The following PPP2R2A variants were observed in gnomAD, a reference collection of about 807,000 sequenced individuals.
PPP2R2A encodes the protein protein phosphatase 2 regulatory subunit Balpha, also known as serine/threonine-protein phosphatase 2A 55 kDa regulatory subunit B alpha isoform.
Under a neutral mutation model 53.2 loss-of-function variants are expected in PPP2R2A, and 9 were observed. The ratio of observed to expected loss-of-function variants is 0.17; its 90% CI spans 0.10 to 0.30. PPP2R2A has a LOEUF of 0.30. PPP2R2A is among the 10% of genes least tolerant of loss of function. PPP2R2A has a pLI of 1.00. For missense variants in PPP2R2A, 235 were observed against 534.6 expected, an observed-to-expected ratio of 0.44 and a Z score of 5.53; for synonymous variants, 169 against 174.2, an observed-to-expected ratio of 0.97 and a Z score of 0.23.
Position 26,370,770 on chromosome 8 carries a change from G to C in PPP2R2A, c.*357G>C, listed in dbSNP as rs1262308946. On this transcript the variant is annotated 3_prime_UTR_variant, in exon 10 of 10. Coordinates refer to ENST00000380737, the MANE Select transcript of PPP2R2A (RefSeq NM_002717.4). The surrounding 1 kb of genome is among the most constrained non-coding windows in gnomAD (Gnocchi z 6.1). ...CAGTGAAAGCCTTCAGTCATGCTAT[G>C]GGATTTAATTGTGTATCCTCATTAC... The C allele has an allele frequency of 7.2e-6, 2 of 276,226 alleles. No individual in the cohort carries two copies. The highest frequency in any genetic ancestry group is 1.4e-5 in the Non-Finnish European group (2 of 141,552). The allele number at this position is 276,226 out of a possible 1,614,324, so 17.1% of individuals were successfully genotyped here.
intron 2 of PPP2R2A, among the ~76,000 whole-genome samples, chr8:26,301,496 C>A (rs542422831): frequency 3.6e-4 from 54 of 152,036 alleles, no homozygotes; most frequent in African/African-American, 1.3e-3. Flanking sequence ...CCACGCCCGG[C>A]TAGTTTTTAA....
chr8:26,314,579 T>G (rs1297350233), intron 2 of PPP2R2A, among the ~76,000 whole-genome samples: 2 of 152,240 alleles, frequency 1.3e-5, no homozygotes, highest in African/African-American at 4.8e-5. Context: ...AAGAGATGTC[T>G]TTATTCTACT....
At chr8:26,345,891 G>C (rs1396098754) in intron 3 of PPP2R2A, among the ~76,000 whole-genome samples, 1 of 152,196 alleles carries the variant, frequency 6.6e-6, no homozygotes, top group Admixed American at 6.5e-5. Context: ...TATTGTGAGA[G>C]ACGGCATCAG....
chr8:26,305,862 G>T (rs1037558420), intron 2 of PPP2R2A, among the ~76,000 whole-genome samples: 1 of 152,092 alleles, frequency 6.6e-6, no homozygotes, highest in Admixed American at 6.5e-5. Context: ...GTTTCTTGGA[G>T]TTAAATTTTA....
intron 1 of PPP2R2A, among the ~76,000 whole-genome samples, chr8:26,292,795 C>T (rs569219375): frequency 1.3e-4 from 20 of 152,238 alleles, no homozygotes; most frequent in African/African-American, 4.8e-4. Context: ...CTCCCTAGAG[C>T]CCCAGGACAT....
chr8:26,293,340 TA>T, intron 1 of PPP2R2A: 1 of 1,387,946 alleles, frequency 7.2e-7, no homozygotes, highest in Non-Finnish European at 9.8e-7. Flanking sequence ...GAAAACTCTT[TA>T]ACTCTTGGTA....
intron 4 of PPP2R2A, among the ~76,000 whole-genome samples, chr8:26,359,489 T>C (rs1345981187): frequency 1.3e-5 from 2 of 152,222 alleles, no homozygotes; most frequent in Non-Finnish European, 1.5e-5. Context: ...CTAAACTTAA[T>C]TGTAAAACAA....
intron 2 of PPP2R2A, among the ~76,000 whole-genome samples, chr8:26,307,989 C>G (rs1802100118): frequency 6.6e-6 from 1 of 152,170 alleles, no homozygotes; most frequent in African/African-American, 2.4e-5. Flanking sequence ...TTCCAGATCA[C>G]TGTAATAAAG....
At chr8:26,310,665 TTCC>T (rs750390238) in intron 2 of PPP2R2A, among the ~76,000 whole-genome samples, 1 of 115,058 alleles carries the variant, frequency 8.7e-6, no homozygotes, top group Non-Finnish European at 1.9e-5. Context: ...GATTTTTTTT[TTCC>T]TTTTTTTTTT....
At chr8:26,351,067 T>C (rs1450881582) in intron 3 of PPP2R2A, among the ~76,000 whole-genome samples, 1 of 152,174 alleles carries the variant, frequency 6.6e-6, no homozygotes, top group Non-Finnish European at 1.5e-5. Context: ...TGCCTTTTCA[T>C]TTTTTTGAAT....
intron 3 of PPP2R2A, among the ~76,000 whole-genome samples, chr8:26,347,413 G>T (rs1373265796): frequency 3.6e-5 from 5 of 138,236 alleles, no homozygotes; most frequent in Admixed American, 3.5e-4. Flanking sequence ...CATGTGCATG[G>T]AGGGTTTTTT....
chr8:26,322,660 A>G (rs930748532), intron 2 of PPP2R2A, among the ~76,000 whole-genome samples: 1 of 152,118 alleles, frequency 6.6e-6, no homozygotes, highest in Non-Finnish European at 1.5e-5. Context: ...AGTCAACTTC[A>G]GCATTGTTTA....
rs1402358479 is a variant in PPP2R2A at position 26,308,486 on chromosome 8, T to C, written c.82+14746T>C. 2.6e-5 allele frequency among the ~76,000 whole-genome samples: 4 copies of C among 152,244 alleles called. No individual in the cohort carries two copies. The East Asian group carries it at 7.7e-4, about 29-fold the overall frequency. On this transcript the variant is annotated intron_variant, in intron 2 of 9. Coordinates refer to ENST00000380737, the MANE Select transcript of PPP2R2A (RefSeq NM_002717.4). ...TGTTTCATTTCAACAATGTTCACAGTGTCATCACCAGCAGTAGATTCCATC... is the reference window on the plus strand; with the variant it reads ...TGTTTCATTTCAACAATGTTCACAGCGTCATCACCAGCAGTAGATTCCATC...
rs750441380 is a variant in PPP2R2A at position 26,321,856 on chromosome 8, A to G, written c.83-17034A>G. 2.6e-5 allele frequency among the ~76,000 whole-genome samples: 4 copies of G among 152,250 alleles called. No homozygotes were observed. Among genetic ancestry groups the G allele is most frequent in the Admixed American group, 6.5e-5 (1 of 15,282 alleles). Reference sequence around the variant, plus strand: ...CTTTGGGACAATTTTTAAGGCAGCAATAGAGAACTTATATAGGAAGTAACA... The same window carrying G: ...CTTTGGGACAATTTTTAAGGCAGCAGTAGAGAACTTATATAGGAAGTAACA... On this transcript the variant is annotated intron_variant, in intron 2 of 9. Transcript: ENST00000380737. The surrounding 1 kb of genome is among the most constrained non-coding windows in gnomAD (Gnocchi z 4.1).
At chr8:26,337,405 C>T (rs1585376194) in intron 2 of PPP2R2A, among the ~76,000 whole-genome samples, 1 of 152,198 alleles carries the variant, frequency 6.6e-6, no homozygotes, top group Non-Finnish European at 1.5e-5. Context: ...ATTTTAGAGC[C>T]TAACCCTCAG....
At chr8:26,339,778 A>G (rs1803853719) in intron 3 of PPP2R2A, 1 of 152,224 alleles carries the variant, frequency 6.6e-6, no homozygotes, top group Non-Finnish European at 1.5e-5. Context: ...AGTAATGTGG[A>G]TAAATTGCAG....
intron 3 of PPP2R2A, among the ~76,000 whole-genome samples, chr8:26,344,627 C>T (rs1383799073): frequency 6.6e-6 from 1 of 152,218 alleles, no homozygotes; most frequent in East Asian, 1.9e-4. Flanking sequence ...GCCATCTCTT[C>T]TTGTTCAGCC....
At chr8:26,310,829 ATTTG>A (rs1050291517) in intron 2 of PPP2R2A, among the ~76,000 whole-genome samples, 24 of 151,972 alleles carry the variant, frequency 1.6e-4, no homozygotes, top group African/African-American at 1.7e-4. Flanking sequence ...TTTTCCAGTT[ATTTG>A]TTTGAGCACG....
intron 2 of PPP2R2A, among the ~76,000 whole-genome samples, chr8:26,313,348 C>T (rs905451255): frequency 1.3e-5 from 2 of 151,980 alleles, no homozygotes; most frequent in African/African-American, 4.8e-5. Flanking sequence ...TTTCATATTT[C>T]TAAACTACAT....
Sources: gnomAD v4.1 joint callset for allele counts (sites outside exome capture counted in the v4.1 genomes callset) on GRCh38, gnomAD v4.1.1 for gene constraint, Gnocchi (gnomAD v3.1) non-coding constraint, MANE v1.5 for transcripts, NCBI Gene and HGNC (gene_info 2026-07-23, HGNC 2026-07-21) for gene names.